The following AP4E1 variants were observed in gnomAD, a reference collection of about 807,000 sequenced individuals.
AP4E1 encodes the protein adaptor related protein complex 4 subunit epsilon 1.
Under a neutral mutation model 128.2 loss-of-function variants are expected in AP4E1, and 56 were observed. The ratio of observed to expected loss-of-function variants is 0.44; its 90% CI spans 0.35 to 0.55. AP4E1 has a LOEUF of 0.55. Ranked by LOEUF, AP4E1 falls within the 20% of genes least tolerant of loss-of-function variation. AP4E1 has a pLI of 0.00. For missense variants in AP4E1, 1,324 were observed against 1,307.7 expected (o/e 1.01, Z -0.19); for synonymous variants, 484 against 473.1 (o/e 1.02, Z -0.30).
At position 51,002,587 on chromosome 15, in the gene AP4E1, G is replaced by C. The variant is rs200582195; in HGVS notation, c.3339G>C (p.Leu1113=). ...HCRVHADVLA[L]WFRSSCSTLP... ...GAGTTCATGCAGATGTATTAGCCCT[G>C]TGGTTCAGATCCTCCTGTTCTACTC... is the stretch of plus-strand genomic sequence containing the variant. The change falls in exon 21 of 21, where the codon CTG becomes CTC. Residue 1113 remains leucine (L), a synonymous_variant. Coordinates refer to ENST00000261842, the MANE Select transcript of AP4E1 (RefSeq NM_007347.5). The C allele has an allele frequency of 6.2e-7, 1 of 1,614,170 alleles. No individual in the cohort carries two copies. The highest frequency in any genetic ancestry group is 1.7e-5 in the Admixed American group (1 of 60,022).
intron 1 of AP4E1, among the ~76,000 whole-genome samples, chr15:50,911,128 A>T (rs2063562168): frequency 1.3e-5 from 2 of 152,222 alleles, no homozygotes; most frequent in Non-Finnish European, 1.5e-5. Context: ...GCTTTTGAAT[A>T]GCCATCTGAT....
intron 8 of AP4E1, among the ~76,000 whole-genome samples, chr15:50,937,294 GGAA>G (rs1253102873): frequency 3.3e-5 from 5 of 152,122 alleles, no homozygotes; most frequent in Non-Finnish European, 7.4e-5. Flanking sequence ...TTGAATTAAA[GGAA>G]GAAGAAGTTA....
intron 8 of AP4E1, 150 bp downstream of exon 8, chr15:50,934,847 AT>A (rs915917461): frequency 3.4e-6 from 2 of 581,754 alleles, no homozygotes; most frequent in African/African-American, 3.8e-5. Flanking sequence ...CAATGTAAGC[AT>A]TTAATTACTG....
Position 50,941,389 on chromosome 15 carries a change from T to G in AP4E1, c.944-53T>G, listed in dbSNP as rs897971915. The G allele has an allele frequency of 1.5e-5, 23 of 1,581,568 alleles. No homozygotes were observed. The African/African-American group carries it at 2.4e-4, about 17-fold the overall frequency. On this transcript the variant is annotated intron_variant, in intron 8 of 20. Coordinates refer to ENST00000261842, the MANE Select transcript of AP4E1 (RefSeq NM_007347.5). Reference sequence around the variant, plus strand: ...TATTACAAGTTCTACACAAATACATTGTTTTGTTATACCTTACCATGATAC... The same window carrying G: ...TATTACAAGTTCTACACAAATACATGGTTTTGTTATACCTTACCATGATAC...
chr15:50,936,858 G>A (rs1277732016), intron 8 of AP4E1, among the ~76,000 whole-genome samples: 3 of 151,898 alleles, frequency 2.0e-5, no homozygotes, highest in Non-Finnish European at 4.4e-5. Flanking sequence ...TGCTTGAACC[G>A]GGACCTGGGA....
chr15:50,962,665 G>A (rs1254525351), intron 14 of AP4E1, among the ~76,000 whole-genome samples: 2 of 151,974 alleles, frequency 1.3e-5, no homozygotes, highest in African/African-American at 2.4e-5. Flanking sequence ...AGAAAACTTA[G>A]AGGAAATGCT....
chr15:50,927,326 C>T (rs947597922), intron 5 of AP4E1, among the ~76,000 whole-genome samples: 9 of 152,058 alleles, frequency 5.9e-5, no homozygotes, highest in Non-Finnish European at 1.0e-4. Flanking sequence ...AAAGAGCTGA[C>T]GAATATGAGG....
At chr15:50,988,733 C>CT (rs111460275) in intron 16 of AP4E1, among the ~76,000 whole-genome samples, 2,819 of 152,210 alleles carry the variant, frequency 0.019, 104 homozygotes, top group African/African-American at 0.065. Context: ...CTGTGAAACT[C>CT]TATTGCTTTC....
In AP4E1 at chr15:50,908,683, A is replaced by C; in HGVS notation, c.-96A>C. 14 of 1,323,266 alleles carry C rather than the reference A, an allele frequency of 1.1e-5. No homozygotes were observed. Among genetic ancestry groups the C allele is most frequent in the Middle Eastern group, 2.5e-4 (1 of 3,928 alleles). 82.0% of individuals were successfully genotyped at this position (1,323,266 alleles called of 1,614,324 possible). A position where few individuals can be genotyped will look rare whatever the true frequency, so the allele number is the denominator to read the frequency against. ...AAGATTTCTTATTCAAAAAACAGGA[A>C]GTGCCTACGGAGGCCGGGCCGGCAG... On this transcript the variant is annotated 5_prime_UTR_variant, in exon 1 of 21. Transcript: ENST00000261842.
chr15:50,922,783 T>TC (rs56135443), intron 3 of AP4E1, among the ~76,000 whole-genome samples: 1 of 91,168 alleles, frequency 1.1e-5, no homozygotes, highest in Non-Finnish European at 2.8e-5. Flanking sequence ...TTTGGGTCTC[T>TC]TTTTTTTTTT....
rs1452005035 is a variant in AP4E1 at position 50,927,433 on chromosome 15, C to A, written c.543-1576C>A. ...CCTGGTTGTATTTCAGCATACCAACCCCAGAGCCTGAATCTAGGTCTCTCG... is the reference window on the plus strand; with the variant it reads ...CCTGGTTGTATTTCAGCATACCAACACCAGAGCCTGAATCTAGGTCTCTCG... On this transcript the variant is annotated intron_variant, in intron 5 of 20. Transcript: ENST00000261842. 2.0e-5 allele frequency among the ~76,000 whole-genome samples: 3 copies of A among 151,964 alleles called. No homozygotes were observed. In the East Asian group the frequency reaches 5.8e-4, roughly 29 times the overall value.
chr15:50,958,375 G>C, intron 13 of AP4E1, 117 bp from the exon 14 acceptor site: 1 of 815,144 alleles, frequency 1.2e-6, no homozygotes, highest in Non-Finnish European at 1.9e-6. Context: ...TTCACCATGA[G>C]AGGATGTTTA....
Position 51,003,064 on chromosome 15 carries a change from A to C in AP4E1, c.*402A>C, listed in dbSNP as rs752642031. Reference sequence around the variant, plus strand: ...AATGGAAGGGAGACATGAAATTGATAATCTCAAACTTAATTCATATTTGGC... The same window carrying C: ...AATGGAAGGGAGACATGAAATTGATCATCTCAAACTTAATTCATATTTGGC... On this transcript the variant is annotated 3_prime_UTR_variant, in exon 21 of 21. Transcript: ENST00000261842. The C allele has an allele frequency of 4.5e-5, 10 of 221,278 alleles. No homozygotes were observed. The highest frequency in any genetic ancestry group is 2.1e-4 in the Admixed American group (4 of 18,942). 13.7% of individuals were successfully genotyped at this position (221,278 alleles called of 1,614,324 possible). A position where few individuals can be genotyped will look rare whatever the true frequency, so the allele number is the denominator to read the frequency against.
intron 13 of AP4E1, among the ~76,000 whole-genome samples, chr15:50,954,389 A>C (rs2064189077): frequency 6.6e-6 from 1 of 152,092 alleles, no homozygotes; most frequent in Non-Finnish European, 1.5e-5. Flanking sequence ...TTTTTGGGGG[A>C]GTTATTAAAT....
intron 18 of AP4E1, 91 bp downstream of exon 18, chr15:50,997,974 A>G (rs1005454175): frequency 2.1e-5 from 21 of 1,020,066 alleles, no homozygotes; most frequent in Non-Finnish European, 2.8e-5. Context: ...CACTTTTGTC[A>G]TAAACACTAA....
chr15:50,991,250 C>G (rs1472023744), intron 16 of AP4E1, among the ~76,000 whole-genome samples: 1 of 152,172 alleles, frequency 6.6e-6, no homozygotes, highest in Non-Finnish European at 1.5e-5. Context: ...ATGGAGCAGC[C>G]CATTGTCCTC....
intron 15 of AP4E1, among the ~76,000 whole-genome samples, chr15:50,974,286 A>C (rs1490545903): frequency 1.0e-5 from 1 of 99,718 alleles, no homozygotes; most frequent in Non-Finnish European, 2.0e-5. Flanking sequence ...TTTTTTTTTG[A>C]GACAGTGTCT....
chr15:50,930,925 A>G lies in AP4E1; in HGVS notation c.823A>G (p.Ile275Val), dbSNP rs2063827808. 1 of 1,614,150 alleles carries G rather than the reference A, an allele frequency of 6.2e-7. No homozygotes were observed. The highest frequency in any genetic ancestry group is 8.5e-7 in the Non-Finnish European group (1 of 1,180,022). Reference protein sequence around the residue: ...YHSVPAPWLQIQLLRILGLLG... With the variant: ...YHSVPAPWLQVQLLRILGLLG... Reference sequence around the variant, plus strand: ...CAGTGTGCCAGCACCATGGTTACAAATTCAGCTCTTGAGAATACTGGGACT... The same window carrying G: ...CAGTGTGCCAGCACCATGGTTACAAGTTCAGCTCTTGAGAATACTGGGACT... The change falls in exon 7 of 21, where the codon ATT becomes GTT. Residue 275 changes from isoleucine to valine, a missense_variant. By Grantham distance (29) the Ile-to-Val change is conservative (BLOSUM62 3). Coordinates refer to ENST00000261842, the MANE Select transcript of AP4E1 (RefSeq NM_007347.5).
rs1308918679 is a variant in AP4E1, at chr15:51,003,536, T to C, written c.*874T>C. On this transcript the variant is annotated 3_prime_UTR_variant, in exon 21 of 21. Coordinates refer to ENST00000261842, the MANE Select transcript of AP4E1 (RefSeq NM_007347.5). ...TATAAATGGCAAAACTATCTTTTCC[T>C]GGCCTTTGAATCCACTAGTACTTAA... is the stretch of plus-strand genomic sequence containing the variant. 1 of 152,442 alleles carries C rather than the reference T, an allele frequency of 6.6e-6. No homozygotes were observed. Among genetic ancestry groups the C allele is most frequent in the Non-Finnish European group, 1.5e-5 (1 of 68,032 alleles). 9.4% of individuals were successfully genotyped at this position (152,442 alleles called of 1,614,324 possible).
Sources: allele counts gnomAD v4.1 joint callset (sites outside exome capture counted in the v4.1 genomes callset), GRCh38; gene constraint gnomAD v4.1.1; transcripts MANE v1.5; gene names NCBI Gene and HGNC (gene_info 2026-07-23, HGNC 2026-07-21).